Variants in CA10 observed in about 807,000 individuals in gnomAD.
The protein encoded by CA10 is carbonic anhydrase 10 (inactive).
A neutral mutation model predicts 44.2 loss-of-function variants in CA10; 14 were observed. The ratio of observed to expected loss-of-function variants is 0.32; its 90% CI spans 0.21 to 0.50. The LOEUF (loss-of-function observed/expected upper bound fraction) is 0.50. Ranked by LOEUF, CA10 falls within the 20% of genes least tolerant of loss-of-function variation. The pLI is 0.99. For synonymous variants in CA10, 159 were observed against 141.6 expected, an observed-to-expected ratio of 1.12 and a Z score of -0.87; for missense variants, 350 against 409.7, an observed-to-expected ratio of 0.85 and a Z score of 1.26.
intron 3 of CA10, among the ~76,000 whole-genome samples, chr17:51,830,723 G>A (rs563825828): frequency 3.3e-5 from 5 of 152,262 alleles, no homozygotes; most frequent in Admixed American, 2.0e-4. Flanking sequence ...AGAGAGACAC[G>A]AAACAGAATA....
At chr17:51,810,967 T>C (rs1027769703) in intron 3 of CA10, among the ~76,000 whole-genome samples, 2 of 152,194 alleles carry the variant, frequency 1.3e-5, no homozygotes, top group African/African-American at 4.8e-5. Flanking sequence ...AATCCCAGCA[T>C]GGCAGATTAC....
chr17:52,130,319 T>C (rs1989206641), intron 1 of CA10, among the ~76,000 whole-genome samples: 1 of 152,168 alleles, frequency 6.6e-6, no homozygotes, highest in African/African-American at 2.4e-5. Context: ...ATCCAGAGTA[T>C]ATGGGATCAG....
chr17:51,985,672 T>C (rs193262184), intron 2 of CA10, among the ~76,000 whole-genome samples: 1 of 152,038 alleles, frequency 6.6e-6, no homozygotes, highest in Non-Finnish European at 1.5e-5. Context: ...AGATACAAAA[T>C]TAATATACAC....
At chr17:51,908,510 C>A (rs1181687030) in intron 3 of CA10, among the ~76,000 whole-genome samples, 1 of 152,156 alleles carries the variant, frequency 6.6e-6, no homozygotes, top group Non-Finnish European at 1.5e-5. Flanking sequence ...CAGTTCCTGC[C>A]TGCTAGATTT....
chr17:51,858,223 A>T (rs950445038), intron 3 of CA10, among the ~76,000 whole-genome samples: 2 of 152,192 alleles, frequency 1.3e-5, no homozygotes, highest in Non-Finnish European at 2.9e-5. Context: ...AAAGAAAACC[A>T]TATGTTCCAC....
At chr17:51,650,880 T>C (rs1367548133) in intron 5 of CA10, among the ~76,000 whole-genome samples, 1 of 152,144 alleles carries the variant, frequency 6.6e-6, no homozygotes, top group Non-Finnish European at 1.5e-5. Flanking sequence ...TGGGCTCTAG[T>C]GTGTTGGCTG....
intron 3 of CA10, among the ~76,000 whole-genome samples, chr17:51,853,992 A>C (rs1011028443): frequency 6.6e-6 from 1 of 152,190 alleles, no homozygotes; most frequent in Non-Finnish European, 1.5e-5. Flanking sequence ...GAATGAATAC[A>C]TCTGGCCTTG....
At chr17:51,767,767 G>A (rs1402991821) in intron 3 of CA10, among the ~76,000 whole-genome samples, 1 of 151,334 alleles carries the variant, frequency 6.6e-6, no homozygotes, top group Non-Finnish European at 1.5e-5. Context: ...TGGGGGTGAT[G>A]GGAGACAGTG....
intron 2 of CA10, among the ~76,000 whole-genome samples, chr17:52,031,718 A>T (rs961427677): frequency 1.3e-5 from 2 of 152,184 alleles, no homozygotes; most frequent in Non-Finnish European, 2.9e-5. Context: ...AGAGTTCTTC[A>T]CACAGTTCTT....
intron 1 of CA10, among the ~76,000 whole-genome samples, chr17:52,144,704 T>C (rs1989547485): frequency 6.6e-6 from 1 of 152,218 alleles, no homozygotes; most frequent in African/African-American, 2.4e-5. Context: ...GCTGAACACT[T>C]TCACATGCAT....
At chr17:51,854,410 G>A (rs1043659759) in intron 3 of CA10, among the ~76,000 whole-genome samples, 1 of 152,194 alleles carries the variant, frequency 6.6e-6, no homozygotes, top group Non-Finnish European at 1.5e-5. Flanking sequence ...AGAGTGAAAT[G>A]CATGTCCATG....
intron 2 of CA10, among the ~76,000 whole-genome samples, chr17:51,955,467 C>T (rs1983632140): frequency 6.6e-6 from 1 of 152,182 alleles, no homozygotes; most frequent in Non-Finnish European, 1.5e-5. Flanking sequence ...GCTTTGGCCA[C>T]CGTGGCAACT....
At chr17:51,791,120 A>G (rs2143697646) in intron 3 of CA10, among the ~76,000 whole-genome samples, 1 of 152,354 alleles carries the variant, frequency 6.6e-6, no homozygotes, top group East Asian at 1.9e-4. Context: ...AAGTGAGTTT[A>G]TGTAAGTACC....
chr17:51,697,822 A>G (rs530939063), intron 4 of CA10, among the ~76,000 whole-genome samples: 43 of 152,304 alleles, frequency 2.8e-4, no homozygotes, highest in African/African-American at 9.1e-4. Flanking sequence ...GAATGTAGCT[A>G]TTATTGTTGT....
intron 1 of CA10, among the ~76,000 whole-genome samples, chr17:52,111,089 C>T (rs758167194): frequency 1.6e-4 from 24 of 152,116 alleles, no homozygotes; most frequent in African/African-American, 4.8e-4. Flanking sequence ...TTGTCTCATC[C>T]GCATATTCAA....
At chr17:51,710,944 T>TTTTTTG (rs1915925388) in intron 4 of CA10, among the ~76,000 whole-genome samples, 2 of 81,476 alleles carry the variant, frequency 2.5e-5, no homozygotes, top group African/African-American at 9.9e-5. Context: ...TTTTTTTTTT[T>TTTTTTG]GCTTCACTGA....
intron 4 of CA10, among the ~76,000 whole-genome samples, chr17:51,726,748 A>T (rs556926351): frequency 2.0e-5 from 3 of 152,284 alleles, no homozygotes; most frequent in African/African-American, 7.2e-5. Flanking sequence ...CTGTTCCCCT[A>T]CTATGACAAG....
intron 3 of CA10, among the ~76,000 whole-genome samples, chr17:51,845,676 T>G (rs181309117): frequency 6.6e-6 from 1 of 152,322 alleles, no homozygotes; most frequent in African/African-American, 2.4e-5. Flanking sequence ...CTCCTAAGGC[T>G]CTGATAACTT....
At chr17:51,701,055 C>T (rs1326112717) in intron 4 of CA10, among the ~76,000 whole-genome samples, 1 of 152,014 alleles carries the variant, frequency 6.6e-6, no homozygotes, top group Non-Finnish European at 1.5e-5. Context: ...ACCCTGTATG[C>T]CCTGCACATG....
Sources: allele counts gnomAD v4.1 joint callset (sites outside exome capture counted in the v4.1 genomes callset), GRCh38; gene constraint gnomAD v4.1.1; transcripts MANE v1.5; gene names NCBI Gene and HGNC (gene_info 2026-07-23, HGNC 2026-07-21).